Variants in IDH2 observed in about 807,000 individuals in gnomAD.
IDH2 encodes the protein isocitrate dehydrogenase (NADP(+)) 2.
A neutral mutation model predicts 50.5 loss-of-function variants in IDH2; 18 were observed. The ratio of observed to expected loss-of-function variants is 0.36; its 90% confidence interval spans 0.25 to 0.53. The LOEUF (loss-of-function observed/expected upper bound fraction) is 0.53. IDH2 is among the 20% of genes least tolerant of loss of function. IDH2 has a pLI of 0.92. For synonymous variants in IDH2, 280 were observed against 239.8 expected (o/e 1.17, Z -1.55); for missense variants, 518 against 610.7 (o/e 0.85, Z 1.60).
At chr15:90,091,333 C>T (rs974411591) in intron 2 of IDH2, among the ~76,000 whole-genome samples, 1 of 152,240 alleles carries the variant, frequency 6.6e-6, no homozygotes, top group Non-Finnish European at 1.5e-5. Flanking sequence ...GGCACCATCA[C>T]AACACGGACT....
intron 1 of IDH2, among the ~76,000 whole-genome samples, chr15:90,092,395 G>T (rs8034938): frequency 2.0e-5 from 3 of 149,476 alleles, no homozygotes; most frequent in East Asian, 2.0e-4. Flanking sequence ...CCTTCCTTTC[G>T]TTCCTTCCTC....
chr15:90,100,730 G>T lies in IDH2; in HGVS notation c.115+1546C>A. On this transcript the variant is annotated intron_variant, in intron 1 of 10. Transcript: ENST00000330062. This position sits in a 1 kb window ranked among gnomAD's most constrained non-coding sequence, Gnocchi z 4.1. ...GGGAATGCCAAGTATTCTGTCTCCA[G>T]CTGCGTTGCCAGGTAACAAGCTGGC... The T allele has an allele frequency of 1.2e-6, 1 of 829,832 alleles. No homozygotes were observed. Among genetic ancestry groups the T allele is most frequent in the Non-Finnish European group, 1.5e-6 (1 of 687,812 alleles). The allele number at this position is 829,832 out of a possible 1,614,324, so 51.4% of individuals were successfully genotyped here.
At chr15:90,087,082 C>A (rs1239539783) in intron 7 of IDH2, 30 bp downstream of exon 7, 1 of 1,612,778 alleles carries the variant, frequency 6.2e-7, no homozygotes, top group South Asian at 1.1e-5. Flanking sequence ...ACAGTCCACC[C>A]CCACAGGGAG....
At chr15:90,091,405 G>T (rs750282374) in intron 2 of IDH2, 148 bp downstream of exon 2, 13 of 716,156 alleles carry the variant, frequency 1.8e-5, no homozygotes, top group South Asian at 5.9e-5. Flanking sequence ...GTGAAAGAAG[G>T]GTAGACAGAG....
intron 2 of IDH2, among the ~76,000 whole-genome samples, chr15:90,090,866 G>A (rs1009941689): frequency 6.6e-6 from 1 of 152,196 alleles, no homozygotes; most frequent in African/African-American, 2.4e-5. Flanking sequence ...AGGTTGGCAG[G>A]CCAGGCCGCA....
Position 90,087,660 on chromosome 15 carries a change from C to A in IDH2, c.679-85G>T, listed in dbSNP as rs9972327. 345,462 of 1,536,176 alleles carry A rather than the reference C, an allele frequency of 0.22. 47,727 individuals carry two copies. Among genetic ancestry groups the A allele is most frequent in the African/African-American group, 0.68 (49,838 of 73,346 alleles). On this transcript the variant is annotated intron_variant, in intron 5 of 10. Transcript: ENST00000330062. Reference sequence around the variant, plus strand: ...TCCCACCTCCCAGGGCAAGGCCCAGCTCTCCAGGAACGGTACCCCGCCGCC... The same window carrying A: ...TCCCACCTCCCAGGGCAAGGCCCAGATCTCCAGGAACGGTACCCCGCCGCC...
chr15:90,088,800 G>T, intron 3 of IDH2, 53 bp from the exon 4 acceptor site: 1 of 1,601,126 alleles, frequency 6.2e-7, no homozygotes, highest in Non-Finnish European at 8.5e-7. Flanking sequence ...CTTTCAACCA[G>T]AATTTGAACC....
At position 90,093,350 on chromosome 15, in the gene IDH2, T is replaced by C. The variant is rs554860520; in HGVS notation, c.116-1706A>G. Among the ~76,000 whole-genome samples the C allele has an allele frequency of 1.2e-3, 178 of 152,376 alleles. 1 individual carries two copies. The South Asian group carries it at 0.036, about 30-fold the overall frequency. On this transcript the variant is annotated intron_variant, in intron 1 of 10. Coordinates refer to ENST00000330062, the MANE Select transcript of IDH2 (RefSeq NM_002168.4). ...CTTTTGTCCAAGACTTAGTTCTTTATAGTTTTCCCTGCAATTCTATGAGCT... is the reference window on the plus strand; with the variant it reads ...CTTTTGTCCAAGACTTAGTTCTTTACAGTTTTCCCTGCAATTCTATGAGCT...
In IDH2 at chr15:90,102,383, C is replaced by T. The variant is rs754014307; in HGVS notation, c.8G>A (p.Gly3Asp). MA[G>D]YLRVVRSLCR... is the part of the protein sequence containing the mutation. ...GAGCGAGCGCACGACCCGCAGGTAG[C>T]CGGCCATCCCAAGCTGGAGAGCGAA... The change falls in exon 1 of 11, where the codon GGC (glycine) becomes GAC (aspartate). Residue 3 changes from glycine to aspartate, a missense_variant. Gly to Asp is a moderately conservative substitution (Grantham distance 94, BLOSUM62 -1). This residue lies in a region of IDH2 where 85 missense variants were observed against 66.9 expected (regional missense o/e 1.27). Transcript: ENST00000330062. The T allele has an allele frequency of 2.2e-6, 3 of 1,356,802 alleles. No homozygotes were observed. The highest frequency in any genetic ancestry group is 2.9e-6 in the Non-Finnish European group (3 of 1,044,024). 84.0% of individuals were successfully genotyped at this position (1,356,802 alleles called of 1,614,324 possible).
At position 90,090,546 on chromosome 15, in the gene IDH2, C is replaced by T. The variant is rs2151551263; in HGVS notation, c.306G>A (p.Leu102=). 1 of 1,614,158 alleles carries T rather than the reference C, an allele frequency of 6.2e-7. No individual in the cohort carries two copies. Residue 102 remains leucine (L), a synonymous_variant, in exon 3 of 11, where the codon CTG becomes CTA. Coordinates refer to ENST00000330062, the MANE Select transcript of IDH2 (RefSeq NM_002168.4). Reference sequence around the variant, plus strand: ...CAGCCACACTGTACTTCTGGGTGGCCAGTGCAGAGTCAATGGTGACCTGGT... The same window carrying T: ...CAGCCACACTGTACTTCTGGGTGGCTAGTGCAGAGTCAATGGTGACCTGGT... ...TDDQVTIDSA[L]ATQKYSVAVK...
rs972675685 is a variant in IDH2 at position 90,100,551 on chromosome 15, C to T, written c.115+1725G>A. ...CACTGAGCCGTTCACAGAACTGGTC[C>T]GCACTGCCCCAAGCTCTAACTTACC... On this transcript the variant is annotated intron_variant, in intron 1 of 10. Coordinates refer to ENST00000330062, the MANE Select transcript of IDH2 (RefSeq NM_002168.4). The surrounding 1 kb of genome is among the most constrained non-coding windows in gnomAD (Gnocchi z 4.1). 10 of 857,540 alleles carry T rather than the reference C, an allele frequency of 1.2e-5. No homozygotes were observed. The highest frequency in any genetic ancestry group is 1.8e-5 in the African/African-American group (1 of 54,716). 53.1% of individuals were successfully genotyped at this position (857,540 alleles called of 1,614,324 possible).
At chr15:90,094,218 T>A (rs11853055) in intron 1 of IDH2, among the ~76,000 whole-genome samples, 64,405 of 151,896 alleles carry the variant, frequency 0.42, 15,542 homozygotes, top group Non-Finnish European at 0.56. Flanking sequence ...CTCGCAGGAA[T>A]ACCCAACAGT....
intron 5 of IDH2, 85 bp from the exon 6 acceptor site, chr15:90,087,660 C>T (rs9972327): frequency 1.6e-5 from 24 of 1,537,456 alleles, no homozygotes; most frequent in Non-Finnish European, 2.1e-5. Flanking sequence ...CAAGGCCCAG[C>T]TCTCCAGGAA....
chr15:90,092,409 T>TTCTC (rs1223196235), intron 1 of IDH2, among the ~76,000 whole-genome samples: 1 of 67,178 alleles, frequency 1.5e-5, no homozygotes, highest in Non-Finnish European at 3.4e-5. Flanking sequence ...CTTCCTCCCT[T>TTCTC]TCTCTCTCTC....
rs1900815346 is a variant in IDH2 at position 90,084,875 on chromosome 15, C to T, written c.1212G>A (p.Glu404=). 3.7e-6 allele frequency: 6 copies of T among 1,614,008 alleles called. No homozygotes were observed. Among genetic ancestry groups the T allele is most frequent in the Admixed American group, 1.7e-5 (1 of 60,004 alleles). The change falls in exon 10 of 11, where the codon GAG becomes GAA. Residue 404 remains glutamate, a synonymous_variant. Coordinates refer to ENST00000330062, the MANE Select transcript of IDH2 (RefSeq NM_002168.4). The surrounding 1 kb of genome is among the most constrained non-coding windows in gnomAD (Gnocchi z 5.0). The part of the protein sequence containing the change: ...FAQMLEKVCV[E]TVESGAMTKD... ...TGGTCATGGCTCCACTCTCCACCGTCTCCACGCACACCTTCTCCAGCATCT... is the reference window on the plus strand; with the variant it reads ...TGGTCATGGCTCCACTCTCCACCGTTTCCACGCACACCTTCTCCAGCATCT...
chr15:90,093,373 G>A (rs947521673), intron 1 of IDH2, among the ~76,000 whole-genome samples: 5 of 152,144 alleles, frequency 3.3e-5, no homozygotes, highest in African/African-American at 1.2e-4. Flanking sequence ...AATTCTATGA[G>A]CTACGCTGTG....
Position 90,088,344 on chromosome 15 carries a change from C to G in IDH2, c.678+15G>C, listed in dbSNP as rs750842375. 1.2e-6 allele frequency: 2 copies of G among 1,612,564 alleles called. No individual in the cohort carries two copies. The highest frequency in any genetic ancestry group is 2.2e-5 in the South Asian group (2 of 91,010). ...CTGGGAGAGGAGGGGCCCAGGATGC[C>G]CAAGCCAGCCTCACCTCGTCGGTGT... On this transcript the variant is annotated intron_variant, in intron 5 of 10. Coordinates refer to ENST00000330062, the MANE Select transcript of IDH2 (RefSeq NM_002168.4).
chr15:90,093,026 C>A (rs1293320703), intron 1 of IDH2, among the ~76,000 whole-genome samples: 1 of 152,194 alleles, frequency 6.6e-6, no homozygotes, highest in Non-Finnish European at 1.5e-5. Context: ...GGGGGCCAGT[C>A]TGGCCTGTCA....
At chr15:90,093,045 C>A (rs1219948082) in intron 1 of IDH2, among the ~76,000 whole-genome samples, 1 of 151,798 alleles carries the variant, frequency 6.6e-6, no homozygotes, top group African/African-American at 2.4e-5. Context: ...CAGACCCTCT[C>A]CCCCTGGAAT....
Sources: allele counts gnomAD v4.1 joint callset (sites outside exome capture counted in the v4.1 genomes callset), GRCh38; gene constraint gnomAD v4.1.1; regional missense constraint gnomAD v4.1.1; non-coding constraint Gnocchi (gnomAD v3.1); transcripts MANE v1.5; gene names NCBI Gene and HGNC (gene_info 2026-07-23, HGNC 2026-07-21).